GALNT13: variants seen among roughly 807,000 people sequenced by gnomAD.
GALNT13 encodes the protein UDP-GalNAc:polypeptide N-acetylgalactosaminyltransferase 13.
A neutral mutation model predicts 64.2 loss-of-function variants in GALNT13; 28 were observed. That is an observed-to-expected ratio of 0.44 (90% confidence interval 0.32 to 0.60). The LOEUF (loss-of-function observed/expected upper bound fraction) is 0.60, where lower values mean the gene tolerates loss of function less well. Ranked by LOEUF, GALNT13 falls within the 20% of genes least tolerant of loss-of-function variation. The pLI, the probability that GALNT13 is intolerant of heterozygous loss-of-function variation, is 0.05. For synonymous variants in GALNT13, 214 were observed against 224.6 expected (o/e 0.95, Z 0.42); for missense variants, 577 against 669.8 (o/e 0.86, Z 1.53).
At chr2:154,399,297 T>C (rs1214004056) in intron 10 of GALNT13, among the ~76,000 whole-genome samples, 1 of 152,100 alleles carries the variant, frequency 6.6e-6, no homozygotes, top group African/African-American at 2.4e-5. Context: ...CTTAGTCCAT[T>C]AGGGCTGCTA....
chr2:154,272,953 A>G (rs1559061016), intron 8 of GALNT13, among the ~76,000 whole-genome samples: 3 of 152,146 alleles, frequency 2.0e-5, no homozygotes. Flanking sequence ...TTAATGAGCT[A>G]CAACTGCCAT....
chr2:154,412,178 C>T (rs1699824022), intron 11 of GALNT13, among the ~76,000 whole-genome samples: 1 of 151,740 alleles, frequency 6.6e-6, no homozygotes, highest in South Asian at 2.1e-4. Flanking sequence ...TCTCCTGTAA[C>T]TCTAACAAAT....
chr2:153,310,310 C>A, the GALNT13 span, among the ~76,000 whole-genome samples: 1 of 151,950 alleles, frequency 6.6e-6, no homozygotes, highest in South Asian at 2.1e-4. Flanking sequence ...TTGAACCAAC[C>A]ATGCATATAA....
In GALNT13 at chr2:154,370,589, T is replaced by G. The variant is rs1364593595; in HGVS notation, c.1157-25402T>G. ...AGTTTCTTATGAGCTGCTGTGTGGT[T>G]AGAGGTACCATTTGCTAAAATGGAG... On this transcript the variant is annotated intron_variant, in intron 9 of 12. Transcript: ENST00000392825. Among the ~76,000 whole-genome samples, 3 of 152,022 alleles carry G rather than the reference T, an allele frequency of 2.0e-5. No individual in the cohort carries two copies. In the East Asian group the frequency reaches 5.8e-4, roughly 29 times the overall value.
At chr2:153,493,434 A>G in the GALNT13 span, among the ~76,000 whole-genome samples, 2 of 152,244 alleles carry the variant, frequency 1.3e-5, no homozygotes, top group South Asian at 4.1e-4. Flanking sequence ...ATTTATTGAC[A>G]AATGTAACAA....
the GALNT13 span, among the ~76,000 whole-genome samples, chr2:153,452,406 A>C: frequency 6.6e-6 from 1 of 152,094 alleles, no homozygotes; most frequent in African/African-American, 2.4e-5. Context: ...GCTTGAACCC[A>C]TGAGGTGGTT....
intron 4 of GALNT13, among the ~76,000 whole-genome samples, chr2:154,218,223 A>G (rs568967890): frequency 1.3e-4 from 20 of 152,124 alleles, no homozygotes; most frequent in Non-Finnish European, 2.6e-4. Flanking sequence ...TCAGTGTTAC[A>G]TTTACTGTTT....
intron 3 of GALNT13, among the ~76,000 whole-genome samples, chr2:154,036,049 G>A (rs1215050611): frequency 6.6e-6 from 1 of 151,790 alleles, no homozygotes; most frequent in Admixed American, 6.6e-5. Flanking sequence ...GAGCTGATTG[G>A]TTATTTCTCC....
chr2:154,224,870 G>A (rs1465533606), intron 4 of GALNT13, among the ~76,000 whole-genome samples: 2 of 152,042 alleles, frequency 1.3e-5, no homozygotes, highest in African/African-American at 4.8e-5. Context: ...TGCAACAGAA[G>A]AAAATATTGA....
chr2:153,608,127 C>T, the GALNT13 span, among the ~76,000 whole-genome samples: 3 of 151,900 alleles, frequency 2.0e-5, no homozygotes, highest in Admixed American at 1.3e-4. Context: ...ACTCTGAAAG[C>T]CTTCCAGATT....
At chr2:153,164,597 A>C in the GALNT13 span, among the ~76,000 whole-genome samples, 1 of 152,216 alleles carries the variant, frequency 6.6e-6, no homozygotes, top group African/African-American at 2.4e-5. Context: ...CATCACAATC[A>C]AGATACTAAA....
At chr2:154,257,435 A>G (rs1445314953) in intron 7 of GALNT13, 3 of 152,158 alleles carry the variant, frequency 2.0e-5, no homozygotes, top group Non-Finnish European at 4.4e-5. Flanking sequence ...TCAATCAAAT[A>G]GACTCTCCAG....
the GALNT13 span, among the ~76,000 whole-genome samples, chr2:153,665,243 A>G: frequency 2.0e-5 from 3 of 152,220 alleles, no homozygotes; most frequent in African/African-American, 7.2e-5. Flanking sequence ...TCAAGAAACA[A>G]TAACAACCCA....
chr2:154,276,927 C>G (rs1691681622), intron 8 of GALNT13, among the ~76,000 whole-genome samples: 2 of 152,146 alleles, frequency 1.3e-5, no homozygotes, highest in Non-Finnish European at 2.9e-5. Flanking sequence ...CATGAGTGTA[C>G]ATTTCCTAAG....
At chr2:153,580,346 C>CAA in the GALNT13 span, among the ~76,000 whole-genome samples, 2 of 142,406 alleles carry the variant, frequency 1.4e-5, no homozygotes, top group Non-Finnish European at 1.5e-5. Context: ...TCCATTTGAC[C>CAA]AAAAAAAAAA....
Position 154,061,954 on chromosome 2 carries a change from C to T in GALNT13, c.143-78383C>T, listed in dbSNP as rs187161851. ...TACGTTCAAATCTGCTTTTTATAGA[C>T]TTGATATATGAAACACAGTTTGACT... On this transcript the variant is annotated intron_variant, in intron 3 of 12. Coordinates refer to ENST00000392825, the MANE Select transcript of GALNT13 (RefSeq NM_052917.4). Among the ~76,000 whole-genome samples the T allele has an allele frequency of 4.8e-4, 73 of 152,232 alleles. No homozygotes were observed. The East Asian group carries it at 8.5e-3, about 18-fold the overall frequency.
chr2:153,544,152 T>C, the GALNT13 span, among the ~76,000 whole-genome samples: 214 of 152,312 alleles, frequency 1.4e-3, no homozygotes, highest in Middle Eastern at 6.8e-3. Flanking sequence ...AATACAGAAA[T>C]GTATGATTTC....
the GALNT13 span, among the ~76,000 whole-genome samples, chr2:153,629,436 G>T: frequency 6.6e-6 from 1 of 151,932 alleles, no homozygotes; most frequent in Non-Finnish European, 1.5e-5. Flanking sequence ...GGGAAAACTG[G>T]CTAGCCATAT....
chr2:153,705,427 AT>A, the GALNT13 span, among the ~76,000 whole-genome samples: 1 of 151,474 alleles, frequency 6.6e-6, no homozygotes, highest in Non-Finnish European at 1.5e-5. Flanking sequence ...AAACTATTGC[AT>A]TTGATAGAAA....
Sources: gnomAD v4.1 joint callset for allele counts (sites outside exome capture counted in the v4.1 genomes callset) on GRCh38, gnomAD v4.1.1 for gene constraint, MANE v1.5 for transcripts, NCBI Gene and HGNC (gene_info 2026-07-23, HGNC 2026-07-21) for gene names.